RIMS1: variants seen among roughly 807,000 people sequenced by gnomAD.
RIMS1 encodes regulating synaptic membrane exocytosis 1, also known as regulating synaptic membrane exocytosis protein 1.
A neutral mutation model predicts 214.1 loss-of-function variants in RIMS1; 83 were observed. The ratio of observed to expected loss-of-function variants is 0.39; its 90% CI spans 0.32 to 0.47. The LOEUF (loss-of-function observed/expected upper bound fraction) is 0.47. RIMS1 is among the 20% of genes least tolerant of loss of function. The pLI is 0.99. For synonymous variants in RIMS1, 793 were observed against 786.8 expected, an observed-to-expected ratio of 1.01 and a Z score of -0.13; for missense variants, 2,050 against 2,161.8, an observed-to-expected ratio of 0.95 and a Z score of 1.03.
Position 72,292,687 on chromosome 6 carries a change from G to A in RIMS1, c.3850+641G>A, listed in dbSNP as rs372280213. Among the ~76,000 whole-genome samples, 15 of 152,152 alleles carry A rather than the reference G, an allele frequency of 9.9e-5. No individual in the cohort carries two copies. In the South Asian group the frequency reaches 1.4e-3, roughly 15 times the overall value. Reference sequence around the variant, plus strand: ...CTGAGCTAGATGATTTAGACACTACGTTAAAATAGTATTCTTCATGTGACC... The same window carrying A: ...CTGAGCTAGATGATTTAGACACTACATTAAAATAGTATTCTTCATGTGACC... On this transcript the variant is annotated intron_variant, in intron 26 of 33. Coordinates refer to ENST00000521978, the MANE Select transcript of RIMS1 (RefSeq NM_014989.7).
chr6:72,120,749 T>A (rs555956213), intron 4 of RIMS1, among the ~76,000 whole-genome samples: 21 of 151,990 alleles, frequency 1.4e-4, no homozygotes, highest in East Asian at 5.8e-4. Context: ...CTGAATGGTA[T>A]TGCCTAGGTT....
At position 72,104,155 on chromosome 6, in the gene RIMS1, G is replaced by T. The variant is rs186246255; in HGVS notation, c.471+4169G>T. Reference sequence around the variant, plus strand: ...TTGGAATTTAATATCTGTCTGTCTGGACTAACTATCCCTAGGATGCAAAGT... The same window carrying T: ...TTGGAATTTAATATCTGTCTGTCTGTACTAACTATCCCTAGGATGCAAAGT... On this transcript the variant is annotated intron_variant, in intron 4 of 33. Coordinates refer to ENST00000521978, the MANE Select transcript of RIMS1 (RefSeq NM_014989.7). 2.6e-3 allele frequency among the ~76,000 whole-genome samples: 389 copies of T among 152,128 alleles called. 1 individual carries two copies. The highest frequency in any genetic ancestry group is 3.0e-3 in the Non-Finnish European group (206 of 68,008).
chr6:71,962,126 C>T (rs907387639), intron 1 of RIMS1, among the ~76,000 whole-genome samples: 1 of 152,064 alleles, frequency 6.6e-6, no homozygotes, highest in Admixed American at 6.6e-5. Context: ...TTCTGGAGAT[C>T]TAAAGGATGA....
chr6:72,395,549 G>A (rs2098763905), intron 31 of RIMS1, among the ~76,000 whole-genome samples: 1 of 151,906 alleles, frequency 6.6e-6, no homozygotes, highest in African/African-American at 2.4e-5. Flanking sequence ...GGAGAGAATT[G>A]GTTAATGGTT....
At chr6:72,373,679 C>T (rs533600594) in intron 29 of RIMS1, among the ~76,000 whole-genome samples, 1 of 152,270 alleles carries the variant, frequency 6.6e-6, no homozygotes, top group African/African-American at 2.4e-5. Context: ...GCTTAGACAT[C>T]TGCTTAGGCA....
chr6:71,936,118 A>G (rs1049402288), intron 1 of RIMS1, among the ~76,000 whole-genome samples: 8 of 151,920 alleles, frequency 5.3e-5, no homozygotes, highest in African/African-American at 1.7e-4. Context: ...TGGGAAGCCG[A>G]GGCGGGCGGA....
intron 22 of RIMS1, among the ~76,000 whole-genome samples, chr6:72,266,891 A>G (rs796195394): frequency 1.3e-4 from 20 of 151,574 alleles, no homozygotes; most frequent in African/African-American, 4.9e-4. Flanking sequence ...TCCTGAAGAA[A>G]AATATTTAGT....
chr6:71,932,796 G>T (rs1018533502), intron 1 of RIMS1, among the ~76,000 whole-genome samples: 2 of 152,070 alleles, frequency 1.3e-5, no homozygotes, highest in Admixed American at 1.3e-4. Context: ...TGTGGAGTGA[G>T]ATTGGGAAGT....
At chr6:72,366,889 T>C in intron 29 of RIMS1, 1 of 974,572 alleles carries the variant, frequency 1.0e-6, no homozygotes, top group Non-Finnish European at 1.2e-6. Context: ...TCCTTATATG[T>C]ATTTACTAAG....
At chr6:72,009,722 C>G (rs1356667325) in intron 2 of RIMS1, among the ~76,000 whole-genome samples, 1 of 152,158 alleles carries the variant, frequency 6.6e-6, no homozygotes, top group Non-Finnish European at 1.5e-5. Flanking sequence ...ACTAGAAAAT[C>G]TAGAAGAAAT....
chr6:72,073,976 G>A (rs558157350), intron 2 of RIMS1, among the ~76,000 whole-genome samples: 70 of 152,144 alleles, frequency 4.6e-4, no homozygotes, highest in South Asian at 2.3e-3. Context: ...TATTTTGATA[G>A]CATTTTAAAC....
At chr6:72,126,057 C>T (rs182033793) in intron 4 of RIMS1, among the ~76,000 whole-genome samples, 83 of 152,306 alleles carry the variant, frequency 5.4e-4, no homozygotes, top group African/African-American at 1.9e-3. Flanking sequence ...TGAAATCACC[C>T]ATCTTCTGTG....
chr6:72,111,306 AC>A (rs370586159), intron 4 of RIMS1, among the ~76,000 whole-genome samples: 2 of 152,056 alleles, frequency 1.3e-5, no homozygotes, highest in African/African-American at 4.8e-5. Context: ...CATCATCTTC[AC>A]CACCTTCCGT....
At chr6:72,275,483 T>A (rs186192426) in intron 23 of RIMS1, among the ~76,000 whole-genome samples, 140 of 152,052 alleles carry the variant, frequency 9.2e-4, no homozygotes, top group African/African-American at 3.2e-3. Flanking sequence ...GGAAACATTG[T>A]CACCAAGAAA....
At chr6:72,295,247 A>C (rs1428409139) in intron 26 of RIMS1, among the ~76,000 whole-genome samples, 2 of 151,816 alleles carry the variant, frequency 1.3e-5, no homozygotes, top group Non-Finnish European at 3.0e-5. Context: ...TAAATGATAC[A>C]AAACAAAGAG....
intron 1 of RIMS1, among the ~76,000 whole-genome samples, chr6:71,939,340 C>G (rs1026164273): frequency 3.9e-5 from 6 of 152,218 alleles, no homozygotes; most frequent in African/African-American, 1.4e-4. Context: ...TCATGCTCTA[C>G]TCCTGGCAAT....
intron 6 of RIMS1, among the ~76,000 whole-genome samples, chr6:72,228,599 A>G (rs117565051): frequency 0.014 from 2,064 of 152,012 alleles, 27 homozygotes; most frequent in Non-Finnish European, 0.02. Context: ...CCTCTTGGCT[A>G]TAGTGAATAG....
At chr6:71,895,673 CAAAAAAAAAAA>C (rs70994105) in intron 1 of RIMS1, among the ~76,000 whole-genome samples, 3 of 64,222 alleles carry the variant, frequency 4.7e-5, no homozygotes, top group African/African-American at 1.3e-4. Flanking sequence ...GACTCCCTCT[CAAAAAAAAAAA>C]AAAAAAAAAA....
chr6:71,958,561 C>T (rs975493123), intron 1 of RIMS1, among the ~76,000 whole-genome samples: 15 of 151,854 alleles, frequency 9.9e-5, no homozygotes, highest in Non-Finnish European at 1.6e-4. Flanking sequence ...AAGTAGGATA[C>T]GGAATGGAGA....
Sources: gnomAD v4.1 joint callset for allele counts (sites outside exome capture counted in the v4.1 genomes callset) on GRCh38, gnomAD v4.1.1 for gene constraint, MANE v1.5 for transcripts, NCBI Gene and HGNC (gene_info 2026-07-23, HGNC 2026-07-21) for gene names.